LIMS4: variants seen among roughly 807,000 people sequenced by gnomAD.
The protein encoded by LIMS4 is LIM and senescent cell antigen-like-containing domain protein 4.
the LIMS4 span, among the ~76,000 whole-genome samples, chr2:110,418,865 C>CA: frequency 3.4e-5 from 2 of 58,188 alleles, no homozygotes; most frequent in African/African-American, 1.7e-4. Flanking sequence ...CCTGGCTGTT[C>CA]AAAATCTCCT....
chr2:110,359,247 TATATC>T, the LIMS4 span: 1 of 139,780 alleles, frequency 7.2e-6, no homozygotes, highest in Non-Finnish European at 1.5e-5. Context: ...TTGACTACAG[TATATC>T]ATGCAAGTGT....
the LIMS4 span, among the ~76,000 whole-genome samples, chr2:110,395,888 C>T: frequency 1.5e-5 from 2 of 135,250 alleles, 1 homozygote; most frequent in African/African-American, 6.3e-5. Flanking sequence ...CACCTGACAT[C>T]GGAGCTGCCA....
chr2:110,390,852 G>A, the LIMS4 span, among the ~76,000 whole-genome samples: 2 of 152,396 alleles, frequency 1.3e-5, no homozygotes, highest in Admixed American at 1.3e-4. Context: ...CATCTGGAGG[G>A]GGAGCGGGAC....
chr2:110,453,938 AAATAT>A lies in LIMS4; in HGVS notation c.680+908_680+912del, dbSNP rs1300919687. Among the ~76,000 whole-genome samples, 3 of 121,948 alleles carry A rather than the reference AAATAT, an allele frequency of 2.5e-5. No homozygotes were observed. In the Admixed American group the frequency reaches 2.6e-4, roughly 10 times the overall value. 80.0% of individuals were successfully genotyped at this position (121,948 alleles called of 152,430 possible). A position where few individuals can be genotyped will look rare whatever the true frequency, so the allele number is the denominator to read the frequency against. On this transcript the variant is annotated intron_variant, in intron 5 of 9. Coordinates refer to ENST00000632897, the MANE Select transcript of LIMS4 (RefSeq NM_001371340.3). ...CATAACTTATTGAAGACAAAAAATTAAATATATTTCTTTTAGATATAAACCAAGCC... is the reference window on the plus strand; with the variant it reads ...CATAACTTATTGAAGACAAAAAATTAATTTCTTTTAGATATAAACCAAGCC...
chr2:110,382,094 AAAAAATATATATAT>A, the LIMS4 span, among the ~76,000 whole-genome samples: 68 of 83,946 alleles, frequency 8.1e-4, no homozygotes, highest in Non-Finnish European at 1.1e-3. Context: ...AAAAAAAAAA[AAAAAATATATATAT>A]ATATATATAT....
chr2:110,366,367 G>A, the LIMS4 span, among the ~76,000 whole-genome samples: 8,589 of 149,804 alleles, frequency 0.057, 37 homozygotes, highest in African/African-American at 0.16. Context: ...TTTATGCCTG[G>A]GATGCAAGGT....
At chr2:110,411,667 G>C in the LIMS4 span, among the ~76,000 whole-genome samples, 1 of 112,860 alleles carries the variant, frequency 8.9e-6, no homozygotes, top group Non-Finnish European at 1.7e-5. Flanking sequence ...TCAGGCCCTC[G>C]GGGTCATCTC....
At chr2:110,367,795 ATTGT>A in the LIMS4 span, among the ~76,000 whole-genome samples, 1 of 141,664 alleles carries the variant, frequency 7.1e-6, no homozygotes, top group Non-Finnish European at 1.5e-5. Context: ...AGGTGGGAAG[ATTGT>A]TTGAGCCTGG....
At chr2:110,378,904 C>T in the LIMS4 span, among the ~76,000 whole-genome samples, 1 of 142,642 alleles carries the variant, frequency 7.0e-6, no homozygotes, top group Admixed American at 6.9e-5. Context: ...GGCTGCAAAC[C>T]TTTATAAGAA....
chr2:110,360,608 A>G, the LIMS4 span: 3 of 1,153,878 alleles, frequency 2.6e-6, no homozygotes, highest in East Asian at 2.4e-5. Context: ...GTCTGTGGCT[A>G]TTTCTCGTCT....
chr2:110,382,148 T>C, the LIMS4 span, among the ~76,000 whole-genome samples: 14 of 84,420 alleles, frequency 1.7e-4, no homozygotes, highest in East Asian at 3.4e-4. Context: ...TATATATATA[T>C]ATACATGTTT....
At chr2:110,361,378 G>A in the LIMS4 span, 29,719 of 748,812 alleles carry the variant, frequency 0.04, 582 homozygotes, top group Admixed American at 0.088. Context: ...TCCTGACGTG[G>A]GATATGTACA....
the LIMS4 span, among the ~76,000 whole-genome samples, chr2:110,411,808 C>T: frequency 4.9e-5 from 3 of 61,770 alleles, no homozygotes; most frequent in African/African-American, 3.3e-4. Flanking sequence ...CACCCTTACA[C>T]TAACGTTTCA....
the LIMS4 span, among the ~76,000 whole-genome samples, chr2:110,425,180 C>T: frequency 7.0e-6 from 1 of 143,390 alleles, no homozygotes. Context: ...TTGTTCAAGC[C>T]CAAGAGTTTG....
chr2:110,391,144 G>A, the LIMS4 span, among the ~76,000 whole-genome samples: 13 of 149,358 alleles, frequency 8.7e-5, no homozygotes, highest in African/African-American at 3.3e-4. Context: ...GAGCTGGGGG[G>A]AGAGCAGGGG....
chr2:110,433,213 TAC>T, the LIMS4 span, among the ~76,000 whole-genome samples: 1 of 134,962 alleles, frequency 7.4e-6, no homozygotes, highest in Non-Finnish European at 1.6e-5. Context: ...CTGTGTGAGA[TAC>T]AGTCAGGGAT....
At chr2:110,391,163 A>G in the LIMS4 span, among the ~76,000 whole-genome samples, 1 of 151,398 alleles carries the variant, frequency 6.6e-6, no homozygotes, top group African/African-American at 2.5e-5. Context: ...GGAGGGAGGG[A>G]AGGGTGGAGC....
At chr2:110,397,348 T>C in the LIMS4 span, 4 of 146,664 alleles carry the variant, frequency 2.7e-5, 1 homozygote, top group African/African-American at 1.0e-4. Flanking sequence ...ATTGGGTAAA[T>C]AACAAGTTCT....
the LIMS4 span, among the ~76,000 whole-genome samples, chr2:110,372,838 CTG>C: frequency 1.4e-5 from 2 of 146,210 alleles, no homozygotes; most frequent in Non-Finnish European, 2.9e-5. Context: ...GTTTCAGAGG[CTG>C]TGACAGTGCC....
Sources: allele counts gnomAD v4.1 joint callset (sites outside exome capture counted in the v4.1 genomes callset), GRCh38; gene constraint gnomAD v4.1.1; transcripts MANE v1.5; gene names NCBI Gene and HGNC (gene_info 2026-07-23, HGNC 2026-07-21).